Variants in RPS6KA2 observed in about 807,000 individuals in gnomAD.
RPS6KA2 encodes ribosomal protein S6 kinase alpha-2.
In RPS6KA2, 42 loss-of-function variants were observed where a neutral mutation model predicts 91.8. The observed-to-expected ratio is 0.46, with a 90% CI of 0.36 to 0.59. RPS6KA2 has a LOEUF of 0.59. Ranked by LOEUF, RPS6KA2 falls within the 20% of genes least tolerant of loss-of-function variation. The pLI is 0.00. For missense variants in RPS6KA2, 798 were observed against 978.5 expected, an observed-to-expected ratio of 0.82 and a Z score of 2.46; for synonymous variants, 414 against 393.6, an observed-to-expected ratio of 1.05 and a Z score of -0.61.
At chr6:166,691,844 A>C (rs1789213769) in intron 2 of RPS6KA2, among the ~76,000 whole-genome samples, 1 of 152,228 alleles carries the variant, frequency 6.6e-6, no homozygotes, top group Admixed American at 6.5e-5. Context: ...CTATACCCTT[A>C]CACGGGGAAA....
At chr6:166,531,596 T>C (rs961019723) in intron 2 of RPS6KA2, among the ~76,000 whole-genome samples, 1 of 152,238 alleles carries the variant, frequency 6.6e-6, no homozygotes, top group Admixed American at 6.5e-5. Flanking sequence ...GCCCCTTGTT[T>C]TGAAGACCAG....
At chr6:166,416,749 T>C (rs562315465) in intron 19 of RPS6KA2, among the ~76,000 whole-genome samples, 2 of 150,666 alleles carry the variant, frequency 1.3e-5, no homozygotes, top group Non-Finnish European at 3.0e-5. Context: ...ACCTCCATCA[T>C]CACTCCTGCC....
At chr6:166,668,632 G>C (rs68183641) in intron 2 of RPS6KA2, among the ~76,000 whole-genome samples, 16,316 of 152,086 alleles carry the variant, frequency 0.11, 966 homozygotes, top group African/African-American at 0.14. Flanking sequence ...GACAACCTGG[G>C]AACACTGAGA....
At chr6:166,450,068 A>G (rs1583150115) in intron 13 of RPS6KA2, among the ~76,000 whole-genome samples, 1 of 96,060 alleles carries the variant, frequency 1.0e-5, no homozygotes, top group Non-Finnish European at 2.4e-5. Flanking sequence ...CCACCGTAGG[A>G]GACCATCATG....
intron 12 of RPS6KA2, among the ~76,000 whole-genome samples, chr6:166,452,342 AC>A (rs1344211208): frequency 6.6e-6 from 1 of 152,178 alleles, no homozygotes; most frequent in Admixed American, 6.5e-5. Flanking sequence ...AAATGGAAAA[AC>A]ATCACATGCT....
chr6:166,471,853 G>A (rs757518529), intron 10 of RPS6KA2, among the ~76,000 whole-genome samples: 7 of 152,222 alleles, frequency 4.6e-5, no homozygotes, highest in African/African-American at 9.6e-5. Flanking sequence ...CGGGTCCCCA[G>A]TCTAGCTCCC....
intron 12 of RPS6KA2, among the ~76,000 whole-genome samples, chr6:166,454,166 G>A (rs534111963): frequency 5.9e-5 from 9 of 152,258 alleles, no homozygotes; most frequent in African/African-American, 1.4e-4. Flanking sequence ...CTCTACCCAT[G>A]AACAAAACTA....
rs75420788 is a variant in RPS6KA2, at chr6:166,801,374, G to A, written c.123+56826C>T. ...TTTATTTATTTTGAGATGAGGACTC[G>A]ATCTGGTACCCAGGCTGGAATGGAG... On this transcript the variant is annotated intron_variant, in intron 2 of 21. Coordinates refer to the RPS6KA2 transcript ENST00000503859. Among the ~76,000 whole-genome samples, 3,437 of 152,126 alleles carry A rather than the reference G, an allele frequency of 0.023. 193 individuals are homozygous for A. In the East Asian group the frequency reaches 0.25, roughly 11 times the overall value.
chr6:166,858,831 A>C (rs1363535170), intron 1 of RPS6KA2, among the ~76,000 whole-genome samples: 1 of 152,236 alleles, frequency 6.6e-6, no homozygotes, highest in East Asian at 1.9e-4. Context: ...TCTACTTAAC[A>C]ACTTGGAGCC....
At chr6:166,796,017 G>A (rs1394016036) in intron 2 of RPS6KA2, among the ~76,000 whole-genome samples, 1 of 152,244 alleles carries the variant, frequency 6.6e-6, no homozygotes, top group Non-Finnish European at 1.5e-5. Flanking sequence ...AGACTCAACA[G>A]ATACAGAAAG....
intron 1 of RPS6KA2, among the ~76,000 whole-genome samples, chr6:166,546,068 G>A (rs1168341486): frequency 1.3e-5 from 2 of 152,194 alleles, no homozygotes; most frequent in East Asian, 3.9e-4. Context: ...CTGACACGGT[G>A]TTTTAGGTAT....
intron 1 of RPS6KA2, among the ~76,000 whole-genome samples, chr6:166,610,208 A>C (rs1168740390): frequency 6.6e-6 from 1 of 152,234 alleles, no homozygotes; most frequent in Non-Finnish European, 1.5e-5. Flanking sequence ...TCATTTGATC[A>C]ATGTATAAAT....
At position 166,494,088 on chromosome 6, in the gene RPS6KA2, A is replaced by G. The variant is rs2128475170; in HGVS notation, c.748-3347T>C. Among the ~76,000 whole-genome samples, 1 of 152,326 alleles carries G rather than the reference A, an allele frequency of 6.6e-6. No individual in the cohort carries two copies. Among genetic ancestry groups the G allele is most frequent in the East Asian group, 1.9e-4 (1 of 5,178 alleles). On this transcript the variant is annotated intron_variant, in intron 8 of 20. Coordinates refer to ENST00000265678, the MANE Select transcript of RPS6KA2 (RefSeq NM_021135.6). This position sits in a 1 kb window ranked among gnomAD's most constrained non-coding sequence, Gnocchi z 5.1. ...GCACCAAAAGCAAGCTAACATTTTAATCTGAAAACAGGCGAGGACAAGCCC... is the reference window on the plus strand; with the variant it reads ...GCACCAAAAGCAAGCTAACATTTTAGTCTGAAAACAGGCGAGGACAAGCCC...
rs1784213078 is a variant in RPS6KA2, at chr6:166,557,551, C to T, written c.100-18767G>A. Among the ~76,000 whole-genome samples, 1 of 152,230 alleles carries T rather than the reference C, an allele frequency of 6.6e-6. No homozygotes were observed. The highest frequency in any genetic ancestry group is 1.5e-5 in the Non-Finnish European group (1 of 68,044). ...GTGATATGGTCTGGCCTTAGAGTTTCTCTGGCACCTTTGTCAAATGACAGA... is the reference window on the plus strand; with the variant it reads ...GTGATATGGTCTGGCCTTAGAGTTTTTCTGGCACCTTTGTCAAATGACAGA... On this transcript the variant is annotated intron_variant, in intron 1 of 20. Coordinates refer to ENST00000265678, the MANE Select transcript of RPS6KA2 (RefSeq NM_021135.6). The surrounding 1 kb of genome is among the most constrained non-coding windows in gnomAD (Gnocchi z 4.8).
At chr6:166,764,385 A>G (rs1363493794) in intron 2 of RPS6KA2, among the ~76,000 whole-genome samples, 1 of 152,042 alleles carries the variant, frequency 6.6e-6, no homozygotes, top group Non-Finnish European at 1.5e-5. Context: ...TTCCTAAAGG[A>G]AGGTGTCGAG....
chr6:166,704,213 G>A (rs1368244584), intron 2 of RPS6KA2, among the ~76,000 whole-genome samples: 1 of 152,180 alleles, frequency 6.6e-6, no homozygotes, highest in Non-Finnish European at 1.5e-5. Flanking sequence ...AAATGAAACA[G>A]CAATCTGTGA....
chr6:166,608,497 G>T (rs1786036853), intron 1 of RPS6KA2, among the ~76,000 whole-genome samples: 1 of 152,128 alleles, frequency 6.6e-6, no homozygotes, highest in Non-Finnish European at 1.5e-5. Flanking sequence ...AGAATTTCTA[G>T]TTATTGAATT....
intron 2 of RPS6KA2, among the ~76,000 whole-genome samples, chr6:166,676,124 C>A (rs1788613283): frequency 6.6e-6 from 1 of 152,120 alleles, no homozygotes; most frequent in Non-Finnish European, 1.5e-5. Flanking sequence ...GGAGACCAGC[C>A]TGGCCAACAT....
rs558326023 is a variant in RPS6KA2 at position 166,515,802 on chromosome 6, C to T, written c.299-5445G>A. 3.3e-5 allele frequency among the ~76,000 whole-genome samples: 5 copies of T among 152,322 alleles called. No homozygotes were observed. In the East Asian group the frequency reaches 9.6e-4, roughly 29 times the overall value. ...TGGGAGCTGCTGAGGGCAAATCTGC[C>T]TCCCATTCTATTCAAAGTCACCCCT... On this transcript the variant is annotated intron_variant, in intron 3 of 20. Transcript: ENST00000265678.
Sources: gnomAD v4.1 joint callset for allele counts (sites outside exome capture counted in the v4.1 genomes callset) on GRCh38, gnomAD v4.1.1 for gene constraint, Gnocchi (gnomAD v3.1) non-coding constraint, MANE v1.5 for transcripts, NCBI Gene and HGNC (gene_info 2026-07-23, HGNC 2026-07-21) for gene names.